The following PCSK5 variants were observed in gnomAD, a reference collection of about 807,000 sequenced individuals.
The protein encoded by PCSK5 is proprotein convertase subtilisin/kexin type 5.
In PCSK5, 129 loss-of-function variants were observed where a neutral mutation model predicts 233.2. That is an observed-to-expected ratio of 0.55 (90% confidence interval 0.48 to 0.64). The LOEUF (loss-of-function observed/expected upper bound fraction) is 0.64, where lower values mean the gene tolerates loss of function less well. Among genes scored for constraint, PCSK5 ranks in the 30% least tolerant of loss-of-function variants. PCSK5 has a pLI of 0.00. For synonymous variants in PCSK5, 825 were observed against 879.2 expected (o/e 0.94, Z 1.09); for missense variants, 2,076 against 2,430.1 (o/e 0.85, Z 3.06).
Position 76,329,810 on chromosome 9 carries a change from G to A in PCSK5, c.4570+1571G>A, listed in dbSNP as rs535921818. On this transcript the variant is annotated intron_variant, in intron 33 of 37. Transcript: ENST00000674117. ...ATCGCACCACTACACTCCAGCCTAG[G>A]CAACAGAGCAAGACTCTATCTCAGA... is the stretch of plus-strand genomic sequence containing the variant. 2.6e-5 allele frequency among the ~76,000 whole-genome samples: 4 copies of A among 152,164 alleles called. No individual in the cohort carries two copies. The East Asian group carries it at 5.8e-4, about 22-fold the overall frequency.
At chr9:76,020,412 A>G (rs1395237390) in intron 3 of PCSK5, among the ~76,000 whole-genome samples, 1 of 152,196 alleles carries the variant, frequency 6.6e-6, no homozygotes, top group African/African-American at 2.4e-5. Flanking sequence ...AATGCATTAA[A>G]AGTCGAAGAT....
intron 5 of PCSK5, among the ~76,000 whole-genome samples, chr9:76,058,274 C>A (rs1310795615): frequency 6.6e-6 from 1 of 152,060 alleles, no homozygotes; most frequent in Non-Finnish European, 1.5e-5. Context: ...CCTCATCCAG[C>A]CTGGAGGTAT....
chr9:75,891,013 C>G lies in PCSK5; in HGVS notation c.-169C>G. 2.0e-6 allele frequency: 1 copy of G among 503,284 alleles called. No individual in the cohort carries two copies. The highest frequency in any genetic ancestry group is 3.3e-6 in the Non-Finnish European group (1 of 304,840). The allele number at this position is 503,284 out of a possible 1,614,324, so 31.2% of individuals were successfully genotyped here. A position where few individuals can be genotyped will look rare whatever the true frequency, so the allele number is the denominator to read the frequency against. On this transcript the variant is annotated 5_prime_UTR_variant, in exon 1 of 38. Transcript: ENST00000674117. ...GGTCTAGGAGCCGGCGTAAGGCTCG[C>G]TGCTCTGCTCCCTGCCGGGGCTAGC...
intron 30 of PCSK5, among the ~76,000 whole-genome samples, chr9:76,312,485 G>A (rs1448169111): frequency 6.6e-6 from 1 of 150,798 alleles, no homozygotes; most frequent in African/African-American, 2.4e-5. Flanking sequence ...TTCCAGCCTG[G>A]GCAACAAGAG....
chr9:76,279,791 T>G (rs1414352694), intron 24 of PCSK5, among the ~76,000 whole-genome samples: 1 of 151,716 alleles, frequency 6.6e-6, no homozygotes, highest in Non-Finnish European at 1.5e-5. Flanking sequence ...TTGTTTGAGT[T>G]CATTGTAGAT....
chr9:76,242,355 T>C (rs772421440), intron 24 of PCSK5, among the ~76,000 whole-genome samples: 4 of 152,186 alleles, frequency 2.6e-5, no homozygotes, highest in Non-Finnish European at 4.4e-5. Flanking sequence ...TTTTCTATAA[T>C]ATCTGTAACT....
intron 29 of PCSK5, among the ~76,000 whole-genome samples, chr9:76,309,942 T>C (rs1406520529): frequency 6.6e-6 from 1 of 152,126 alleles, no homozygotes; most frequent in African/African-American, 2.4e-5. Context: ...GTGGATCCCC[T>C]GTTAAAGGGA....
At chr9:75,991,862 T>C (rs1193320224) in intron 3 of PCSK5, among the ~76,000 whole-genome samples, 1 of 152,122 alleles carries the variant, frequency 6.6e-6, no homozygotes, top group Admixed American at 6.5e-5. Flanking sequence ...TTTTAAAAAT[T>C]ATAAAATGTT....
In PCSK5 at chr9:76,071,760, G is replaced by A; in HGVS notation, c.756G>A (p.Met252Ile). 1.2e-6 allele frequency: 2 copies of A among 1,613,692 alleles called. No homozygotes were observed. Among genetic ancestry groups the A allele is most frequent in the South Asian group, 1.1e-5 (1 of 91,006 alleles). Reference sequence around the variant, plus strand: ...TGCTGGACGGAGATGTCACGGACATGGTTGAAGCAAAATCAGTTAGCTTCA... The same window carrying A: ...TGCTGGACGGAGATGTCACGGACATAGTTGAAGCAAAATCAGTTAGCTTCA... ...VRMLDGDVTD[M>I]VEAKSVSFNP... The change falls in exon 7 of 38, where the codon ATG becomes ATA. Residue 252 changes from methionine (M) to isoleucine (I), a missense_variant. Around this residue, in one of 6 missense-constraint regions of PCSK5, gnomAD observed 178 missense variants for 393.6 expected, o/e 0.45. Transcript: ENST00000674117.
intron 37 of PCSK5, among the ~76,000 whole-genome samples, chr9:76,356,826 T>A (rs1830314596): frequency 6.6e-6 from 1 of 152,250 alleles, no homozygotes; most frequent in Admixed American, 6.5e-5. Flanking sequence ...TATTCATTTA[T>A]CTAGAATGAA....
chr9:76,298,158 G>A (rs1412501992), intron 27 of PCSK5, among the ~76,000 whole-genome samples: 4 of 152,054 alleles, frequency 2.6e-5, no homozygotes, highest in Non-Finnish European at 4.4e-5. Context: ...ATGATGACAC[G>A]GTCCAGGGAG....
At chr9:76,236,714 T>C (rs965332364) in intron 22 of PCSK5, among the ~76,000 whole-genome samples, 3 of 152,274 alleles carry the variant, frequency 2.0e-5, no homozygotes, top group African/African-American at 7.2e-5. Flanking sequence ...TGACCTCCCT[T>C]TGTAGGTCTA....
At chr9:75,960,864 A>G (rs898402014) in intron 2 of PCSK5, among the ~76,000 whole-genome samples, 3 of 152,194 alleles carry the variant, frequency 2.0e-5, no homozygotes, top group Admixed American at 2.0e-4. Flanking sequence ...GCTTGAGTTC[A>G]GTTGTCCTGG....
In PCSK5 at chr9:76,184,863, T is replaced by C. The variant is rs1442005029; in HGVS notation, c.2282+106T>C. On this transcript the variant is annotated intron_variant, in intron 17 of 37. Transcript: ENST00000674117. ...GTAAATAAACAGCTCTCTTATGATC[T>C]ACCCTGGGTTTGACTCCCATTCAAG... 4 of 622,766 alleles carry C rather than the reference T, an allele frequency of 6.4e-6. No individual in the cohort carries two copies. In the African/African-American group the frequency reaches 7.5e-5, roughly 12 times the overall value. The allele number at this position is 622,766 out of a possible 1,614,324, so 38.6% of individuals were successfully genotyped here. A position where few individuals can be genotyped will look rare whatever the true frequency, so the allele number is the denominator to read the frequency against.
chr9:76,212,850 A>C (rs1825382752), intron 20 of PCSK5, among the ~76,000 whole-genome samples: 1 of 152,222 alleles, frequency 6.6e-6, no homozygotes, highest in Non-Finnish European at 1.5e-5. Context: ...CGAGGGTTAG[A>C]AAAGTTAAGT....
In PCSK5 at chr9:76,362,697, G is replaced by A. The variant is rs138979684; in HGVS notation, c.*3775G>A. 3.9e-3 allele frequency among the ~76,000 whole-genome samples: 588 copies of A among 152,322 alleles called. 2 individuals carry two copies. Among genetic ancestry groups the A allele is most frequent in the African/African-American group, 0.014 (562 of 41,578 alleles). ...GCCCTGGGCCTGGCAGTTAAAGATC[G>A]ACCTCTGACCTAACCGGTTATGTTA... is the stretch of plus-strand genomic sequence containing the variant. On this transcript the variant is annotated 3_prime_UTR_variant, in exon 38 of 38. Transcript: ENST00000674117.
rs536336218 is a variant in PCSK5, at chr9:76,298,360, T to C, written c.3523+1495T>C. On this transcript the variant is annotated intron_variant, in intron 27 of 37. Coordinates refer to ENST00000674117, the MANE Select transcript of PCSK5 (RefSeq NM_001372043.1). ...AGGAATTAGTGCATTTGGGGATTTT[T>C]CACTAATAGGGGATTGGGGACAGAG... 4.6e-5 allele frequency among the ~76,000 whole-genome samples: 7 copies of C among 152,284 alleles called. No homozygotes were observed. In the East Asian group the frequency reaches 1.3e-3, roughly 29 times the overall value.
At position 75,891,273 on chromosome 9, in the gene PCSK5, G is replaced by C; in HGVS notation, c.92G>C (p.Arg31Pro). ...LLGGCLLPVC[R>P]TRVYTNHWAV... ...GGGGGCTGCCTGCTCCCCGTGTGTC[G>C]GACGCGCGTCTACACCAACCACTGG... is the stretch of plus-strand genomic sequence containing the variant. Residue 31 changes from arginine to proline, a missense_variant, in exon 1 of 38, where the codon CGG becomes CCG. By Grantham distance (103) the Arg-to-Pro change is moderately radical (BLOSUM62 -2). Around this residue, in one of 6 missense-constraint regions of PCSK5, gnomAD observed 190 missense variants for 216.3 expected, o/e 0.88. Coordinates refer to ENST00000674117, the MANE Select transcript of PCSK5 (RefSeq NM_001372043.1). The C allele has an allele frequency of 6.5e-7, 1 of 1,529,986 alleles. No homozygotes were observed. Among genetic ancestry groups the C allele is most frequent in the Middle Eastern group, 1.7e-4 (1 of 5,822 alleles). 94.8% of individuals were successfully genotyped at this position (1,529,986 alleles called of 1,614,324 possible).
chr9:76,072,084 A>T (rs1418175523), intron 7 of PCSK5, among the ~76,000 whole-genome samples, 186 bp downstream of exon 7: 1 of 152,176 alleles, frequency 6.6e-6, no homozygotes, highest in African/African-American at 2.4e-5. Flanking sequence ...CTGCCAGTGA[A>T]CTAAGAGCTA....
Sources: gnomAD v4.1 joint callset for allele counts (sites outside exome capture counted in the v4.1 genomes callset) on GRCh38, gnomAD v4.1.1 for gene constraint, gnomAD v4.1.1 regional missense constraint, MANE v1.5 for transcripts, NCBI Gene and HGNC (gene_info 2026-07-23, HGNC 2026-07-21) for gene names.